The following ATRNL1 variants were observed in gnomAD, a reference collection of about 807,000 sequenced individuals.
The protein encoded by ATRNL1 is attractin like 1, also known as attractin-like protein 1.
Under a neutral mutation model 182.7 loss-of-function variants are expected in ATRNL1, and 95 were observed. The ratio of observed to expected loss-of-function variants is 0.52; its 90% CI spans 0.44 to 0.62. The LOEUF (loss-of-function observed/expected upper bound fraction) is 0.62, where lower values mean the gene tolerates loss of function less well. ATRNL1 is among the 20% of genes least tolerant of loss of function. ATRNL1 has a pLI of 0.00. For synonymous variants in ATRNL1, 576 were observed against 568.3 expected (o/e 1.01, Z -0.19); for missense variants, 1,471 against 1,679.5 (o/e 0.88, Z 2.17).
intron 27 of ATRNL1, among the ~76,000 whole-genome samples, chr10:115,795,166 G>T (rs1310011008): frequency 1.3e-5 from 2 of 152,140 alleles, no homozygotes; most frequent in African/African-American, 4.8e-5. Flanking sequence ...TGTGCTCATT[G>T]CTATTGAGGT....
chr10:115,153,325 C>G (rs973396094), intron 5 of ATRNL1, among the ~76,000 whole-genome samples: 1 of 152,076 alleles, frequency 6.6e-6, no homozygotes, highest in Non-Finnish European at 1.5e-5. Flanking sequence ...TGGTAGAATT[C>G]GGCTGTGAAT....
chr10:115,811,792 C>T (rs560938586), intron 27 of ATRNL1, among the ~76,000 whole-genome samples: 1 of 151,990 alleles, frequency 6.6e-6, no homozygotes, highest in East Asian at 1.9e-4. Context: ...TTTAATATAG[C>T]CACTCCAGCT....
chr10:115,858,671 T>C (rs533655732), intron 28 of ATRNL1, among the ~76,000 whole-genome samples: 1 of 152,264 alleles, frequency 6.6e-6, no homozygotes. Context: ...AACCTGCACA[T>C]CTGCACATGG....
At chr10:115,459,037 A>G (rs150634855) in intron 21 of ATRNL1, among the ~76,000 whole-genome samples, 73 of 152,280 alleles carry the variant, frequency 4.8e-4, no homozygotes, top group Middle Eastern at 3.4e-3. Flanking sequence ...CTTTACTGCA[A>G]TCTCTAAACA....
chr10:115,874,141 G>A (rs1951647002), intron 28 of ATRNL1, among the ~76,000 whole-genome samples: 1 of 152,158 alleles, frequency 6.6e-6, no homozygotes, highest in South Asian at 2.1e-4. Flanking sequence ...ACAGCCTGCT[G>A]GAGAAGATCT....
intron 14 of ATRNL1, among the ~76,000 whole-genome samples, chr10:115,283,104 ATTAT>A (rs1852446498): frequency 3.3e-5 from 5 of 152,080 alleles, no homozygotes; most frequent in Admixed American, 3.3e-4. Context: ...AAAAATCAAA[ATTAT>A]TCTGCCTTTA....
At chr10:115,408,828 A>AT (rs1306435063) in intron 20 of ATRNL1, among the ~76,000 whole-genome samples, 3 of 152,034 alleles carry the variant, frequency 2.0e-5, no homozygotes, top group Admixed American at 6.5e-5. Context: ...TGAAGAGGTT[A>AT]TTTTTTCTCC....
At chr10:115,739,089 A>G (rs1392675885) in intron 27 of ATRNL1, among the ~76,000 whole-genome samples, 11 of 152,124 alleles carry the variant, frequency 7.2e-5, no homozygotes, top group Admixed American at 6.5e-4. Context: ...GATGGAGAAA[A>G]ATGTAAAGAT....
At chr10:115,858,644 C>T (rs1241667872) in intron 28 of ATRNL1, among the ~76,000 whole-genome samples, 10 of 152,110 alleles carry the variant, frequency 6.6e-5, no homozygotes, top group Non-Finnish European at 1.5e-4. Context: ...CCATGGCACA[C>T]GTTTACCTAT....
intron 19 of ATRNL1, among the ~76,000 whole-genome samples, chr10:115,378,173 T>C (rs1857784379): frequency 6.6e-6 from 1 of 152,122 alleles, no homozygotes; most frequent in Non-Finnish European, 1.5e-5. Context: ...ACTAGCACGT[T>C]CTTTGGTGGG....
chr10:115,712,868 A>C (rs201983879), intron 26 of ATRNL1, among the ~76,000 whole-genome samples: 2 of 43,462 alleles, frequency 4.6e-5, no homozygotes, highest in Non-Finnish European at 8.2e-5. Context: ...ACAATGTTTC[A>C]AAAAAAAAAA....
At chr10:115,674,706 G>T (rs1945806728) in intron 26 of ATRNL1, among the ~76,000 whole-genome samples, 2 of 152,026 alleles carry the variant, frequency 1.3e-5, no homozygotes, top group African/African-American at 4.8e-5. Flanking sequence ...GGAATGCAAA[G>T]CCTTTCAAAT....
At chr10:115,611,286 C>A (rs1175020656) in intron 26 of ATRNL1, among the ~76,000 whole-genome samples, 1 of 151,926 alleles carries the variant, frequency 6.6e-6, no homozygotes, top group Non-Finnish European at 1.5e-5. Flanking sequence ...GTATTTCGGG[C>A]TTACAAAATA....
intron 20 of ATRNL1, among the ~76,000 whole-genome samples, chr10:115,415,477 A>G (rs1845344820): frequency 6.6e-6 from 1 of 150,998 alleles, no homozygotes; most frequent in African/African-American, 2.4e-5. Context: ...CCAGTTTGTC[A>G]TATGTTTCTT....
intron 26 of ATRNL1, among the ~76,000 whole-genome samples, chr10:115,612,524 A>G (rs1300731421): frequency 6.6e-6 from 1 of 152,324 alleles, no homozygotes; most frequent in Non-Finnish European, 1.5e-5. Flanking sequence ...CTTTCAAAGG[A>G]AAAAGTGAAC....
chr10:115,850,527 A>G (rs1951031084), intron 28 of ATRNL1, among the ~76,000 whole-genome samples: 1 of 151,404 alleles, frequency 6.6e-6, no homozygotes, highest in Non-Finnish European at 1.5e-5. Context: ...TTTGGGAACC[A>G]TATTGGCTCT....
chr10:115,172,151 T>A (rs1847319966), intron 8 of ATRNL1, among the ~76,000 whole-genome samples: 1 of 152,022 alleles, frequency 6.6e-6, no homozygotes, highest in Admixed American at 6.6e-5. Flanking sequence ...AATACTCCAC[T>A]GTTTCCCTTG....
intron 26 of ATRNL1, among the ~76,000 whole-genome samples, chr10:115,647,418 A>G (rs1859700327): frequency 6.6e-6 from 1 of 152,180 alleles, no homozygotes; most frequent in South Asian, 2.1e-4. Context: ...TCCCACCAAC[A>G]GTGTAAAAGC....
At chr10:115,733,026 A>G (rs1157628807) in intron 27 of ATRNL1, among the ~76,000 whole-genome samples, 1 of 152,164 alleles carries the variant, frequency 6.6e-6, no homozygotes, top group East Asian at 1.9e-4. Flanking sequence ...CTCAGCACAC[A>G]AGCTTTCTTT....
Sources: allele counts gnomAD v4.1 joint callset (sites outside exome capture counted in the v4.1 genomes callset), GRCh38; gene constraint gnomAD v4.1.1; transcripts MANE v1.5; gene names NCBI Gene and HGNC (gene_info 2026-07-23, HGNC 2026-07-21).